Variants in GOLGB1 observed in about 807,000 individuals in gnomAD.
GOLGB1 encodes the protein golgin subfamily B member 1.
Under a neutral mutation model 336.9 loss-of-function variants are expected in GOLGB1, and 174 were observed. That is an observed-to-expected ratio of 0.52 (90% CI 0.46 to 0.59). The LOEUF (loss-of-function observed/expected upper bound fraction) is 0.59. GOLGB1 is among the 20% of genes least tolerant of loss of function. The pLI, the probability that GOLGB1 is intolerant of heterozygous loss-of-function variation, is 0.00. For missense variants in GOLGB1, 3,331 were observed against 3,645.3 expected (o/e 0.91, Z 2.22); for synonymous variants, 1,208 against 1,289.2 (o/e 0.94, Z 1.35).
chr3:121,698,780 A>C lies in GOLGB1; in HGVS notation c.1743T>G (p.Leu581=), dbSNP rs1576359633. The change falls in exon 13 of 22, where the codon CTT becomes CTG. Residue 581 remains leucine (L), a synonymous_variant. Coordinates refer to ENST00000614479, the MANE Select transcript of GOLGB1 (RefSeq NM_001366282.2). ...MKEAQEEIAF[L]KLQLQGKRAE... ...CCCTTTTTCCCTGGAGCTGTAATTT[A>C]AGAAATGCAATTTCCTCTTGAGCTT... 1 of 1,613,652 alleles carries C rather than the reference A, an allele frequency of 6.2e-7. No homozygotes were observed.
Position 121,690,865 on chromosome 3 carries a change from A to G in GOLGB1, c.8499T>C (p.Tyr2833=), listed in dbSNP as rs138695295. Residue 2833 remains tyrosine (Y), a synonymous_variant, in exon 14 of 22, where the codon TAT becomes TAC. Transcript: ENST00000614479. ...LHLSSQLEDS[Y]NQVQSFSKAM... ...CCTTGGAAAAGGACTGCACTTGGTT[A>G]TAAGAATCTTCTAGTTGTGAGGACA... 8.7e-6 allele frequency: 14 copies of G among 1,613,958 alleles called. No individual in the cohort carries two copies. In the African/African-American group the frequency reaches 1.7e-4, roughly 20 times the overall value.
intron 14 of GOLGB1, among the ~76,000 whole-genome samples, chr3:121,684,227 T>A (rs150780517): frequency 2.5e-3 from 162 of 64,754 alleles, no homozygotes; most frequent in Admixed American, 3.4e-3. Context: ...ATGAAAAAAA[T>A]GTTGGAATCA....
intron 1 of GOLGB1, among the ~76,000 whole-genome samples, chr3:121,734,392 GAAAAAAAAAA>G (rs34906801): frequency 9.3e-6 from 1 of 107,254 alleles, no homozygotes; most frequent in Non-Finnish European, 1.8e-5. Flanking sequence ...TCTGTCTCGG[GAAAAAAAAAA>G]AAAAAAAAAC....
In GOLGB1 at chr3:121,696,948, C is replaced by A; in HGVS notation, c.3575G>T (p.Arg1192Leu). The part of the protein sequence containing the change: ...QKKLQEALTS[R>L]KAILKKAQEK... ...CTGTGCCTTTTTAAGAATTGCCTTG[C>A]GGGAGGTTAAGGCTTCCTGTAGCTT... Residue 1192 changes from arginine to leucine, a missense_variant, in exon 13 of 22, where the codon CGC (arginine) becomes CTC (leucine). Arg to Leu is a moderately radical substitution (Grantham distance 102, BLOSUM62 -2). Coordinates refer to ENST00000614479, the MANE Select transcript of GOLGB1 (RefSeq NM_001366282.2). 4 of 1,613,942 alleles carry A rather than the reference C, an allele frequency of 2.5e-6. No homozygotes were observed. Among genetic ancestry groups the A allele is most frequent in the Non-Finnish European group, 3.4e-6 (4 of 1,179,948 alleles).
At chr3:121,677,750 C>T (rs953754737) in intron 15 of GOLGB1, among the ~76,000 whole-genome samples, 25 of 152,244 alleles carry the variant, frequency 1.6e-4, no homozygotes, top group Non-Finnish European at 3.2e-4. Context: ...AGGAAATAAG[C>T]CTTTAGAGCT....
rs763478737 is a variant in GOLGB1 at position 121,697,819 on chromosome 3, C to T, written c.2704G>A (p.Glu902Lys). The change falls in exon 13 of 22, where the codon GAG (glutamate) becomes AAG (lysine). Residue 902 changes from glutamate to lysine, a missense_variant. Coordinates refer to ENST00000614479, the MANE Select transcript of GOLGB1 (RefSeq NM_001366282.2). Reference protein sequence around the residue: ...RDVETLQQTIEEKDQQVTEIS... With the variant: ...RDVETLQQTIKEKDQQVTEIS... ...TCTGTCACTTGTTGATCCTTCTCCTCGATGGTTTGTTGGAGGGTTTCCACA... is the reference window on the plus strand; with the variant it reads ...TCTGTCACTTGTTGATCCTTCTCCTTGATGGTTTGTTGGAGGGTTTCCACA... The T allele has an allele frequency of 2.5e-5, 41 of 1,614,050 alleles. No individual in the cohort carries two copies. The highest frequency in any genetic ancestry group is 3.5e-5 in the Non-Finnish European group (41 of 1,179,944).
intron 14 of GOLGB1, among the ~76,000 whole-genome samples, chr3:121,689,044 G>A (rs1483310724): frequency 6.7e-6 from 1 of 148,368 alleles, no homozygotes; most frequent in African/African-American, 2.5e-5. Context: ...CCAGCCAGCC[G>A]CCCCGTCCGG....
At chr3:121,729,567 T>A (rs1283835164) in intron 3 of GOLGB1, among the ~76,000 whole-genome samples, 1 of 152,006 alleles carries the variant, frequency 6.6e-6, no homozygotes, top group Non-Finnish European at 1.5e-5. Context: ...CCCAATACCA[T>A]GCCCAGCTAA....
At chr3:121,665,442 T>C (rs1274725408) in intron 20 of GOLGB1, among the ~76,000 whole-genome samples, 6 of 152,236 alleles carry the variant, frequency 3.9e-5, no homozygotes, top group Non-Finnish European at 8.8e-5. Context: ...CGTTCTTTTT[T>C]CCACCACACC....
rs1489711586 is a variant in GOLGB1, at chr3:121,695,506, C to T, written c.5017G>A (p.Glu1673Lys). Residue 1673 changes from glutamate (E) to lysine (K), a missense_variant, in exon 13 of 22, where the codon GAG (glutamate) becomes AAG (lysine). Transcript: ENST00000614479. ...TCTTTCATTTCCTCCATTTCTTGCT[C>T]AGCTTCCTGCAACTGCTTTTCTGTC... ...KETEKQLQEAEQEMEEMKEKM... is the reference protein window; with the variant it reads ...KETEKQLQEAKQEMEEMKEKM... The T allele has an allele frequency of 6.2e-7, 1 of 1,614,044 alleles. No individual in the cohort carries two copies.
At position 121,733,099 on chromosome 3, in the gene GOLGB1, G is replaced by A. The variant is rs1398343595; in HGVS notation, c.-2-2126C>T. 5.9e-5 allele frequency among the ~76,000 whole-genome samples: 9 copies of A among 151,886 alleles called. No homozygotes were observed. In the East Asian group the frequency reaches 7.8e-4, roughly 13 times the overall value. On this transcript the variant is annotated intron_variant, in intron 1 of 21. Coordinates refer to ENST00000614479, the MANE Select transcript of GOLGB1 (RefSeq NM_001366282.2). ...AGCACTTTGGGAGGCCAGGGCGGGC[G>A]GATCACGAGGTCAGGAGATCGACAC...
chr3:121,677,507 G>A (rs1940565491), intron 15 of GOLGB1, 57 bp from the exon 16 acceptor site: 1 of 1,148,682 alleles, frequency 8.7e-7, no homozygotes, highest in African/African-American at 1.5e-5. Flanking sequence ...GGGCATGGTA[G>A]CTCGCACCTG....
At chr3:121,719,476 A>G (rs1945018727) in intron 7 of GOLGB1, among the ~76,000 whole-genome samples, 170 bp downstream of exon 7, 1 of 152,228 alleles carries the variant, frequency 6.6e-6, no homozygotes, top group South Asian at 2.1e-4. Context: ...CAAGAAAAGG[A>G]TAAGAAAAAA....
At chr3:121,702,662 A>C in intron 10 of GOLGB1, 67 bp from the exon 11 acceptor site, 1 of 631,118 alleles carries the variant, frequency 1.6e-6, no homozygotes, top group Admixed American at 3.2e-5. Context: ...ACGCCCAGAT[A>C]GCCTCCAGCA....
At chr3:121,711,084 C>A (rs539169160) in intron 10 of GOLGB1, among the ~76,000 whole-genome samples, 1 of 151,844 alleles carries the variant, frequency 6.6e-6, no homozygotes, top group Admixed American at 6.6e-5. Context: ...GTCCCAACTA[C>A]CTGGGAGGCT....
At chr3:121,742,247 T>C (rs1327678145) in intron 1 of GOLGB1, among the ~76,000 whole-genome samples, 1 of 152,178 alleles carries the variant, frequency 6.6e-6, no homozygotes. Flanking sequence ...CAAAACAGCA[T>C]GGTACTGGTA....
chr3:121,733,784 C>T (rs1050993959), intron 1 of GOLGB1, among the ~76,000 whole-genome samples: 1 of 152,056 alleles, frequency 6.6e-6, no homozygotes, highest in African/African-American at 2.4e-5. Context: ...AACAAAGGTA[C>T]AAATGCAATT....
intron 6 of GOLGB1, 127 bp from the exon 7 acceptor site, chr3:121,719,895 T>C (rs1945058860): frequency 4.1e-6 from 3 of 725,054 alleles, no homozygotes; most frequent in Non-Finnish European, 6.1e-6. Context: ...GAAATTTTGA[T>C]TGTCAAGGAT....
rs762477063 is a variant in GOLGB1, at chr3:121,694,253, A to G, written c.6270T>C (p.Asp2090=). The G allele has an allele frequency of 1.2e-6, 2 of 1,610,394 alleles. No homozygotes were observed. Among genetic ancestry groups the G allele is most frequent in the Non-Finnish European group, 1.7e-6 (2 of 1,180,002 alleles). ...AELASFKVLL[D]DTQSEAARVL... is the part of the protein sequence containing the mutation. Reference sequence around the variant, plus strand: ...CCCTTGCTGCTTCACTTTGAGTGTCATCTAGCAGGACTTTGAAGCTAGCTA... The same window carrying G: ...CCCTTGCTGCTTCACTTTGAGTGTCGTCTAGCAGGACTTTGAAGCTAGCTA... The change falls in exon 13 of 22, where the codon GAT becomes GAC. Residue 2090 remains aspartate (D), a synonymous_variant. Transcript: ENST00000614479.
Sources: allele counts gnomAD v4.1 joint callset (sites outside exome capture counted in the v4.1 genomes callset), GRCh38; gene constraint gnomAD v4.1.1; transcripts MANE v1.5; gene names NCBI Gene and HGNC (gene_info 2026-07-23, HGNC 2026-07-21).